The following POU3F3 variants were observed in gnomAD, a reference collection of about 807,000 sequenced individuals.
POU3F3 encodes POU domain, class 3, transcription factor 3.
A neutral mutation model predicts 8.6 loss-of-function variants in POU3F3; 1 was observed. That is an observed-to-expected ratio of 0.12 (90% CI 0.04 to 0.55). The LOEUF (loss-of-function observed/expected upper bound fraction) is 0.55, where lower values mean the gene tolerates loss of function less well. POU3F3 is among the 20% of genes least tolerant of loss of function. The pLI is 0.91. For missense variants in POU3F3, 577 were observed against 690.7 expected (o/e 0.84, Z 1.84); for synonymous variants, 418 against 327.4 (o/e 1.28, Z -2.99).
At chr2:104,879,916 T>A in the POU3F3 span, among the ~76,000 whole-genome samples, 1 of 152,168 alleles carries the variant, frequency 6.6e-6, no homozygotes, top group Non-Finnish European at 1.5e-5. Context: ...TATACATTTA[T>A]ATTAAAACAA....
chr2:104,870,728 A>G, the POU3F3 span, among the ~76,000 whole-genome samples: 4 of 152,202 alleles, frequency 2.6e-5, no homozygotes, highest in Non-Finnish European at 5.9e-5. Context: ...CATGGACTGC[A>G]GCAGAAATTT....
the POU3F3 span, among the ~76,000 whole-genome samples, chr2:104,894,369 A>G: frequency 2.6e-5 from 4 of 152,288 alleles, no homozygotes; most frequent in Admixed American, 1.3e-4. Context: ...GCTTTTTCCT[A>G]TGATTCCTGT....
the POU3F3 span, among the ~76,000 whole-genome samples, chr2:104,925,711 C>A: frequency 5.3e-5 from 8 of 152,184 alleles, no homozygotes; most frequent in Non-Finnish European, 7.3e-5. Flanking sequence ...GGAGAAAAAT[C>A]TATTAATTTT....
chr2:104,862,929 C>T (rs1174390884), downstream of POU3F3, among the ~76,000 whole-genome samples: 2 of 151,376 alleles, frequency 1.3e-5, no homozygotes, highest in South Asian at 2.1e-4. Context: ...GCTTGAAACG[C>T]GATGTTTTGT....
In POU3F3 at chr2:104,856,140, CG is replaced by C. The variant is rs1282774479; in HGVS notation, c.635del (p.Gly212AlafsTer19). ...AAAAHLPSMA[G>X]GQQPPPQSLL... Reference sequence around the variant, plus strand: ...CCGCCGCGCACCTCCCGTCCATGGCCGGGGGCCAGCAGCCGCCGCCGCAGAG... The same window carrying C: ...CCGCCGCGCACCTCCCGTCCATGGCCGGGGCCAGCAGCCGCCGCCGCAGAG... On this transcript the variant is annotated frameshift_variant, in exon 1 of 1. Coordinates refer to ENST00000361360, the MANE Select transcript of POU3F3 (RefSeq NM_006236.3). LOFTEE classifies it low-confidence loss of function (END_TRUNC). 8 of 1,216,022 alleles carry C rather than the reference CG, an allele frequency of 6.6e-6. No individual in the cohort carries two copies. The highest frequency in any genetic ancestry group is 7.2e-6 in the Non-Finnish European group (7 of 976,682). The allele number at this position is 1,216,022 out of a possible 1,614,324, so 75.3% of individuals were successfully genotyped here. A position where few individuals can be genotyped will look rare whatever the true frequency, so the allele number is the denominator to read the frequency against.
the POU3F3 span, among the ~76,000 whole-genome samples, chr2:104,907,857 A>G: frequency 1.2e-4 from 19 of 152,318 alleles, no homozygotes; most frequent in South Asian, 3.3e-3. Flanking sequence ...TGACTTTAGT[A>G]GAAACACTTC....
the POU3F3 span, among the ~76,000 whole-genome samples, chr2:104,889,409 G>T: frequency 5.3e-5 from 8 of 152,220 alleles, no homozygotes; most frequent in African/African-American, 1.9e-4. Flanking sequence ...GCTCCTCCCA[G>T]CTGCAAATGG....
the POU3F3 span, among the ~76,000 whole-genome samples, chr2:104,881,556 C>T: frequency 6.6e-6 from 1 of 151,998 alleles, no homozygotes; most frequent in African/African-American, 2.4e-5. Flanking sequence ...TCTCTGTCTC[C>T]GTCTCTCTCC....
At chr2:104,901,521 C>T in the POU3F3 span, among the ~76,000 whole-genome samples, 9 of 152,316 alleles carry the variant, frequency 5.9e-5, no homozygotes, top group East Asian at 5.8e-4. Flanking sequence ...GCAGTTACCA[C>T]GGTGACAGCA....
chr2:104,889,292 A>G, the POU3F3 span, among the ~76,000 whole-genome samples: 1 of 152,174 alleles, frequency 6.6e-6, no homozygotes, highest in Middle Eastern at 3.2e-3. Context: ...CAGAGCAGAA[A>G]AGAAAAAAGG....
At chr2:104,922,392 C>CAAAAAAAA in the POU3F3 span, among the ~76,000 whole-genome samples, 1 of 71,040 alleles carries the variant, frequency 1.4e-5, no homozygotes, top group Non-Finnish European at 2.8e-5. Flanking sequence ...TGAAGATGCT[C>CAAAAAAAA]AAAAAAAAAA....
At chr2:104,890,635 T>C in the POU3F3 span, among the ~76,000 whole-genome samples, 1 of 152,322 alleles carries the variant, frequency 6.6e-6, no homozygotes, top group Admixed American at 6.5e-5. Flanking sequence ...TCCTGGCCCC[T>C]AAGTCAGTGC....
the POU3F3 span, among the ~76,000 whole-genome samples, chr2:104,870,899 G>A: frequency 5.9e-5 from 9 of 152,266 alleles, no homozygotes; most frequent in East Asian, 3.9e-4. Flanking sequence ...CCAATATACC[G>A]TTCTCAGTAA....
At chr2:104,923,619 C>CA in the POU3F3 span, among the ~76,000 whole-genome samples, 1 of 151,858 alleles carries the variant, frequency 6.6e-6, no homozygotes, top group African/African-American at 2.4e-5. Context: ...AAATGAAGTA[C>CA]AAAAAAGCTA....
the POU3F3 span, chr2:104,865,886 C>T: frequency 6.6e-6 from 1 of 152,120 alleles, no homozygotes; most frequent in Non-Finnish European, 1.5e-5. Flanking sequence ...CAGTATCACC[C>T]AGAAACTAAC....
upstream of POU3F3, chr2:104,853,618 G>C (rs988654208): frequency 2.6e-5 from 4 of 152,388 alleles, no homozygotes; most frequent in Middle Eastern, 3.1e-3. Context: ...CAAATCTCTG[G>C]CGGGGCGGGG....
the POU3F3 span, among the ~76,000 whole-genome samples, chr2:104,871,100 T>C: frequency 6.6e-6 from 1 of 152,198 alleles, no homozygotes; most frequent in African/African-American, 2.4e-5. Context: ...ACTTGTTCCT[T>C]AAAATCGTCT....
the POU3F3 span, among the ~76,000 whole-genome samples, chr2:104,925,641 AG>A: frequency 6.6e-6 from 1 of 152,222 alleles, no homozygotes; most frequent in South Asian, 2.1e-4. Context: ...AACTGTAAAA[AG>A]TAAGACCACA....
the POU3F3 span, among the ~76,000 whole-genome samples, chr2:104,893,250 C>T: frequency 3.9e-5 from 6 of 152,148 alleles, no homozygotes; most frequent in African/African-American, 7.2e-5. Context: ...AGAAACTCTC[C>T]GATGGTGAGG....
Sources: gnomAD v4.1 joint callset for allele counts (sites outside exome capture counted in the v4.1 genomes callset) on GRCh38, gnomAD v4.1.1 for gene constraint, MANE v1.5 for transcripts, NCBI Gene and HGNC (gene_info 2026-07-23, HGNC 2026-07-21) for gene names.